Variants in RAB38 observed in about 807,000 individuals in gnomAD.
The protein encoded by RAB38 is ras-related protein Rab-38.
RAB38 carries 15 observed loss-of-function variants against 18.4 expected under a neutral mutation model. The ratio of observed to expected loss-of-function variants is 0.82; its 90% CI spans 0.55 to 1.26. RAB38 has a LOEUF of 1.26. Ranked by LOEUF, RAB38 falls within the 50% of genes most tolerant of loss-of-function variation. The pLI is 0.00. For missense variants in RAB38, 294 were observed against 267.4 expected (o/e 1.10, Z -0.69); for synonymous variants, 101 against 104.4 (o/e 0.97, Z 0.20).
Position 88,171,131 on chromosome 11 carries a change from T to C in RAB38, c.202+4052A>G, listed in dbSNP as rs566519073. Among the ~76,000 whole-genome samples, 7 of 152,340 alleles carry C rather than the reference T, an allele frequency of 4.6e-5. No homozygotes were observed. In the South Asian group the frequency reaches 1.2e-3, roughly 27 times the overall value. ...ATAACAATTATGACAACAGGAATAATAGCTAACACTCATTCAGCATTTATT... is the reference window on the plus strand; with the variant it reads ...ATAACAATTATGACAACAGGAATAACAGCTAACACTCATTCAGCATTTATT... On this transcript the variant is annotated intron_variant, in intron 1 of 2. Coordinates refer to ENST00000243662, the MANE Select transcript of RAB38 (RefSeq NM_022337.3).
the RAB38 span, among the ~76,000 whole-genome samples, chr11:87,860,055 C>T: frequency 2.6e-5 from 4 of 151,878 alleles, no homozygotes; most frequent in African/African-American, 9.7e-5. Context: ...TAGGATCTTC[C>T]CTGAATTACT....
intron 2 of RAB38, among the ~76,000 whole-genome samples, chr11:88,145,140 TTATC>T (rs1942966016): frequency 6.6e-6 from 1 of 151,992 alleles, no homozygotes; most frequent in African/African-American, 2.4e-5. Flanking sequence ...CATACATTAT[TTATC>T]TCTCTTTTTT....
At chr11:87,951,081 AT>A in the RAB38 span, among the ~76,000 whole-genome samples, 2 of 151,960 alleles carry the variant, frequency 1.3e-5, no homozygotes, top group South Asian at 4.2e-4. Flanking sequence ...GGCTTTGTTT[AT>A]TTCTTTCTAT....
chr11:87,889,262 T>A, the RAB38 span, among the ~76,000 whole-genome samples: 1 of 151,878 alleles, frequency 6.6e-6, no homozygotes, highest in African/African-American at 2.4e-5. Flanking sequence ...TCTGACTGAT[T>A]CTACAGCAGA....
chr11:87,943,320 G>C, the RAB38 span, among the ~76,000 whole-genome samples: 1 of 152,102 alleles, frequency 6.6e-6, no homozygotes, highest in Non-Finnish European at 1.5e-5. Context: ...AACTGGATTT[G>C]TGGGTTGATG....
At chr11:88,135,700 T>C (rs559859650) in intron 2 of RAB38, among the ~76,000 whole-genome samples, 10 of 152,332 alleles carry the variant, frequency 6.6e-5, no homozygotes, top group South Asian at 2.1e-4. Context: ...AATGTGACAA[T>C]AGTCTTCCAA....
the RAB38 span, among the ~76,000 whole-genome samples, chr11:87,906,249 G>C: frequency 6.6e-6 from 1 of 151,936 alleles, no homozygotes; most frequent in Non-Finnish European, 1.5e-5. Flanking sequence ...GCTTCAAGAA[G>C]ACAGTCAATT....
chr11:88,045,270 C>A, the RAB38 span, among the ~76,000 whole-genome samples: 1 of 152,176 alleles, frequency 6.6e-6, no homozygotes, highest in African/African-American at 2.4e-5. Context: ...CACAACAGGA[C>A]TTAATTAAAC....
At chr11:87,841,046 A>G in the RAB38 span, among the ~76,000 whole-genome samples, 1 of 152,148 alleles carries the variant, frequency 6.6e-6, no homozygotes, top group African/African-American at 2.4e-5. Context: ...ATTGCCTGTG[A>G]AATAGTAACA....
intron 2 of RAB38, 149 bp from the exon 3 acceptor site, chr11:88,114,289 C>T (rs1942518493): frequency 1.2e-6 from 1 of 826,000 alleles, no homozygotes; most frequent in South Asian, 1.9e-5. Flanking sequence ...TTATTTGTTC[C>T]TTCAAAGAAC....
chr11:88,031,183 T>C, the RAB38 span, among the ~76,000 whole-genome samples: 1 of 152,162 alleles, frequency 6.6e-6, no homozygotes, highest in Non-Finnish European at 1.5e-5. Context: ...CAAAAACGCT[T>C]CATGCTAAAA....
the RAB38 span, among the ~76,000 whole-genome samples, chr11:87,929,801 G>T: frequency 6.9e-6 from 1 of 145,166 alleles, no homozygotes; most frequent in South Asian, 2.2e-4. Flanking sequence ...ACCTATGAGT[G>T]AGAACATGCG....
downstream of RAB38, among the ~76,000 whole-genome samples, chr11:88,111,309 T>C (rs917343657): frequency 3.3e-5 from 5 of 152,018 alleles, no homozygotes; most frequent in African/African-American, 9.7e-5. Flanking sequence ...ACACACTACT[T>C]TCTGCTCCAC....
At chr11:88,096,138 TA>T in the RAB38 span, among the ~76,000 whole-genome samples, 3 of 151,924 alleles carry the variant, frequency 2.0e-5, no homozygotes, top group East Asian at 5.8e-4. Context: ...TTATTCCAAT[TA>T]AAGATCAAAA....
the RAB38 span, among the ~76,000 whole-genome samples, chr11:88,042,229 C>T: frequency 6.6e-6 from 1 of 152,094 alleles, no homozygotes; most frequent in South Asian, 2.1e-4. Flanking sequence ...AACGATTCTC[C>T]CAAATACGGC....
At chr11:88,142,149 G>A (rs1027439339) in intron 2 of RAB38, among the ~76,000 whole-genome samples, 1 of 152,202 alleles carries the variant, frequency 6.6e-6, no homozygotes, top group African/African-American at 2.4e-5. Flanking sequence ...TTCTGAATCT[G>A]AGAAAGACTG....
chr11:88,124,996 T>C (rs116951285), intron 2 of RAB38, among the ~76,000 whole-genome samples: 1,999 of 152,326 alleles, frequency 0.013, 22 homozygotes, highest in Non-Finnish European at 0.023. Flanking sequence ...TTAGAGATGA[T>C]GATGGACATG....
the RAB38 span, among the ~76,000 whole-genome samples, chr11:87,883,923 T>C: frequency 6.6e-6 from 1 of 152,014 alleles, no homozygotes; most frequent in Non-Finnish European, 1.5e-5. Context: ...TTTAGACTTC[T>C]AATATTCCAA....
At chr11:87,877,884 GC>G in the RAB38 span, among the ~76,000 whole-genome samples, 1 of 151,296 alleles carries the variant, frequency 6.6e-6, no homozygotes, top group Admixed American at 6.6e-5. Context: ...TTCCCCACTT[GC>G]CTTATCTTCT....
Sources: allele counts gnomAD v4.1 joint callset (sites outside exome capture counted in the v4.1 genomes callset), GRCh38; gene constraint gnomAD v4.1.1; transcripts MANE v1.5; gene names NCBI Gene and HGNC (gene_info 2026-07-23, HGNC 2026-07-21).